CAGE1: variants seen among roughly 807,000 people sequenced by gnomAD.
The protein encoded by CAGE1 is cancer antigen 1.
A neutral mutation model predicts 94.9 loss-of-function variants in CAGE1; 66 were observed. That is an observed-to-expected ratio of 0.70 (90% confidence interval 0.57 to 0.85). The LOEUF is 0.85. Ranked by LOEUF, CAGE1 falls within the 40% of genes least tolerant of loss-of-function variation. The pLI, the probability that CAGE1 is intolerant of heterozygous loss-of-function variation, is 0.00. For missense variants in CAGE1, 865 were observed against 950.4 expected (o/e 0.91, Z 1.18); for synonymous variants, 319 against 321.0 (o/e 0.99, Z 0.07).
At chr6:7,352,958 G>GA (rs749354299) in intron 11 of CAGE1, among the ~76,000 whole-genome samples, 3 of 152,086 alleles carry the variant, frequency 2.0e-5, no homozygotes, top group Non-Finnish European at 4.4e-5. Context: ...GATAACATTG[G>GA]AAAAAACTCT....
Position 7,329,886 on chromosome 6 carries a change from G to T in CAGE1, c.2441C>A (p.Ser814Ter). Residue 814 changes from serine (S) to a stop codon, truncating the protein, a stop_gained and splice_region_variant, in exon 13 of 14, where the codon TCA (serine) becomes TAA (stop). Transcript: ENST00000502583. LOFTEE classifies it high-confidence loss of function. ...KPREKARKPR[S>*]KSLENHPKSM... ...CTTCGGATGATTTTCTAAGCTTTTT[G>T]ATCTGTAAGAAATAGAAAGAAAATA... 2 of 1,410,798 alleles carry T rather than the reference G, an allele frequency of 1.4e-6. No homozygotes were observed. The highest frequency in any genetic ancestry group is 1.2e-5 in the South Asian group (1 of 81,634). 87.4% of individuals were successfully genotyped at this position (1,410,798 alleles called of 1,614,324 possible). A position where few individuals can be genotyped will look rare whatever the true frequency, so the allele number is the denominator to read the frequency against.
intron 3 of CAGE1, among the ~76,000 whole-genome samples, chr6:7,385,429 A>T (rs1761089487): frequency 6.6e-6 from 1 of 152,058 alleles, no homozygotes; most frequent in Admixed American, 6.6e-5. Context: ...TGGCCTTCCA[A>T]AGCACTGGTA....
intron 3 of CAGE1, among the ~76,000 whole-genome samples, chr6:7,382,912 GAAA>G (rs1463881665): frequency 6.6e-6 from 1 of 151,560 alleles, no homozygotes; most frequent in Non-Finnish European, 1.5e-5. Context: ...TCCATCTCAA[GAAA>G]AAAAAGAAAA....
chr6:7,384,212 G>A (rs1761034999), intron 3 of CAGE1, among the ~76,000 whole-genome samples: 2 of 152,032 alleles, frequency 1.3e-5, no homozygotes, highest in South Asian at 4.2e-4. Context: ...TGAGTAGCTG[G>A]GACTACAGGC....
At position 7,327,324 on chromosome 6, in the gene CAGE1, A is replaced by G. The variant is rs1055575955; in HGVS notation, c.2479-425T>C. Among the ~76,000 whole-genome samples, 4 of 151,926 alleles carry G rather than the reference A, an allele frequency of 2.6e-5. No individual in the cohort carries two copies. The East Asian group carries it at 7.7e-4, about 29-fold the overall frequency. On this transcript the variant is annotated intron_variant, in intron 13 of 13. Coordinates refer to ENST00000502583, the MANE Select transcript of CAGE1 (RefSeq NM_001170692.2). ...CACCTCAGCCTCCCAAAGTGCTAGG[A>G]TTATATTTTTGATAGAGATGGGGTT... is the stretch of plus-strand genomic sequence containing the variant.
At chr6:7,344,474 A>G (rs1974042) in intron 11 of CAGE1, among the ~76,000 whole-genome samples, 78,263 of 152,146 alleles carry the variant, frequency 0.51, 21,545 homozygotes, top group African/African-American at 0.72. Flanking sequence ...TTCGGGACCT[A>G]CAGCCCGCCA....
chr6:7,355,975 T>C (rs1759940122), intron 10 of CAGE1, 50 bp downstream of exon 10: 4 of 1,072,952 alleles, frequency 3.7e-6, no homozygotes, highest in Non-Finnish European at 5.6e-6. Flanking sequence ...TCGGCCTGGG[T>C]GACAGAGTGA....
chr6:7,362,167 A>G lies in CAGE1; in HGVS notation c.2193+3301T>C, dbSNP rs1760187282. On this transcript the variant is annotated intron_variant, in intron 9 of 13. Transcript: ENST00000502583. This position sits in a 1 kb window ranked among gnomAD's most constrained non-coding sequence, Gnocchi z 4.1. ...AATTTTAAAGGCTACCAAAATAATA[A>G]GTTAGGTAAATGTTTTACGTAATAT... is the stretch of plus-strand genomic sequence containing the variant. Among the ~76,000 whole-genome samples, 1 of 152,262 alleles carries G rather than the reference A, an allele frequency of 6.6e-6. No homozygotes were observed. The highest frequency in any genetic ancestry group is 1.5e-5 in the Non-Finnish European group (1 of 68,048).
At chr6:7,365,986 C>G (rs1206481276) in intron 7 of CAGE1, 102 bp from the exon 8 acceptor site, 3 of 688,756 alleles carry the variant, frequency 4.4e-6, no homozygotes, top group Non-Finnish European at 7.1e-6. Flanking sequence ...TGGCTCATGC[C>G]TATAATCCCA....
chr6:7,377,852 C>T (rs934642939), intron 4 of CAGE1, among the ~76,000 whole-genome samples: 21 of 152,162 alleles, frequency 1.4e-4, no homozygotes, highest in Admixed American at 6.5e-5. Flanking sequence ...TCAGAAAGTA[C>T]ACAGAATATA....
intron 3 of CAGE1, among the ~76,000 whole-genome samples, chr6:7,384,609 A>G (rs1203460128): frequency 6.6e-6 from 1 of 152,124 alleles, no homozygotes; most frequent in Non-Finnish European, 1.5e-5. Flanking sequence ...CAAAAACAAA[A>G]CCAAAAACAT....
chr6:7,365,076 C>T (rs1760280757), intron 9 of CAGE1, among the ~76,000 whole-genome samples: 1 of 152,106 alleles, frequency 6.6e-6, no homozygotes, highest in South Asian at 2.1e-4. Flanking sequence ...CTGCCTTTAT[C>T]TTTACAATAC....
In CAGE1 at chr6:7,368,685, T is replaced by C. The variant is rs1438775048; in HGVS notation, c.2004+3A>G. 2 of 1,393,822 alleles carry C rather than the reference T, an allele frequency of 1.4e-6. No individual in the cohort carries two copies. Among genetic ancestry groups the C allele is most frequent in the Admixed American group, 2.3e-5 (1 of 42,574 alleles). 86.3% of individuals were successfully genotyped at this position (1,393,822 alleles called of 1,614,324 possible). A position where few individuals can be genotyped will look rare whatever the true frequency, so the allele number is the denominator to read the frequency against. On this transcript the variant is annotated splice_donor_region_variant and intron_variant, in intron 7 of 13. Coordinates refer to ENST00000502583, the MANE Select transcript of CAGE1 (RefSeq NM_001170692.2). Reference sequence around the variant, plus strand: ...ATTTTTAGAAGAAGAATAAATATAATACCTCTTTATCTAAAGTTTTCTTTT... The same window carrying C: ...ATTTTTAGAAGAAGAATAAATATAACACCTCTTTATCTAAAGTTTTCTTTT...
chr6:7,367,259 T>C (rs780201655), intron 7 of CAGE1, among the ~76,000 whole-genome samples: 2 of 148,776 alleles, frequency 1.3e-5, no homozygotes, highest in African/African-American at 5.1e-5. Context: ...CATAAATATC[T>C]GAAAGAAATA....
At chr6:7,335,419 G>C (rs988379891) in intron 11 of CAGE1, among the ~76,000 whole-genome samples, 56 of 152,320 alleles carry the variant, frequency 3.7e-4, no homozygotes, top group South Asian at 4.1e-4. Flanking sequence ...GGTCAGGCAG[G>C]TATGTGAAAT....
chr6:7,385,753 CTT>C, intron 3 of CAGE1, 30 bp downstream of exon 3: 1 of 1,380,960 alleles, frequency 7.2e-7, no homozygotes, highest in East Asian at 2.6e-5. Flanking sequence ...AAGTTTCTCT[CTT>C]TTGCATATTG....
intron 9 of CAGE1, among the ~76,000 whole-genome samples, chr6:7,359,103 A>G (rs1488663893): frequency 6.6e-6 from 1 of 151,954 alleles, no homozygotes. Flanking sequence ...CTGGAGTGCA[A>G]TGGCACAATC....
At chr6:7,366,580 C>T (rs981695757) in intron 7 of CAGE1, among the ~76,000 whole-genome samples, 2 of 152,184 alleles carry the variant, frequency 1.3e-5, no homozygotes, top group African/African-American at 2.4e-5. Flanking sequence ...AAACCTGGGG[C>T]ACTGGGTCTC....
Position 7,329,168 on chromosome 6 carries a change from A to G in CAGE1, c.2478+681T>C, listed in dbSNP as rs186833030. The G allele has an allele frequency of 5.8e-3, 2,259 of 391,910 alleles. 40 individuals are homozygous for G. Among genetic ancestry groups the G allele is most frequent in the African/African-American group, 0.03 (1,467 of 48,250 alleles). 24.3% of individuals were successfully genotyped at this position (391,910 alleles called of 1,614,324 possible). On this transcript the variant is annotated intron_variant, in intron 13 of 13. Coordinates refer to ENST00000502583, the MANE Select transcript of CAGE1 (RefSeq NM_001170692.2). ...GGCTGGTCTTGAACTCCTGAACTCAAGTGATCCACCCGCCTCGGCCTCCCA... is the reference window on the plus strand; with the variant it reads ...GGCTGGTCTTGAACTCCTGAACTCAGGTGATCCACCCGCCTCGGCCTCCCA...
Sources: gnomAD v4.1 joint callset for allele counts (sites outside exome capture counted in the v4.1 genomes callset) on GRCh38, gnomAD v4.1.1 for gene constraint, Gnocchi (gnomAD v3.1) non-coding constraint, MANE v1.5 for transcripts, NCBI Gene and HGNC (gene_info 2026-07-23, HGNC 2026-07-21) for gene names.